SPTBN4: variants seen among roughly 807,000 people sequenced by gnomAD.
SPTBN4 encodes the protein spectrin beta chain, non-erythrocytic 4.
In SPTBN4, 96 loss-of-function variants were observed where a neutral mutation model predicts 277.8. The observed-to-expected ratio is 0.35, with a 90% CI of 0.29 to 0.41. The LOEUF is 0.41. Ranked by LOEUF, SPTBN4 falls within the 10% of genes least tolerant of loss-of-function variation. The probability of loss-of-function intolerance (pLI) is 1.00; values close to 1 mark genes in which losing one functional copy is unlikely to be tolerated. For synonymous variants in SPTBN4, 1,481 were observed against 1,580.3 expected, an observed-to-expected ratio of 0.94 and a Z score of 1.49; for missense variants, 3,006 against 3,595.7, an observed-to-expected ratio of 0.84 and a Z score of 4.19.
At position 40,560,671 on chromosome 19, in the gene SPTBN4, A is replaced by G. The variant is rs1599811958; in HGVS notation, c.5915+268A>G. ...TACCCTCTCCATGGGATGTCACAGC[A>G]TGAAACAGGCTAAAGACAGGATGGG... On this transcript the variant is annotated intron_variant, in intron 27 of 35. Transcript: ENST00000598249. This position sits in a 1 kb window ranked among gnomAD's most constrained non-coding sequence, Gnocchi z 5.2. 7.0e-7 allele frequency: 1 copy of G among 1,425,308 alleles called. No individual in the cohort carries two copies. The highest frequency in any genetic ancestry group is 9.1e-7 in the Non-Finnish European group (1 of 1,093,132). 88.3% of individuals were successfully genotyped at this position (1,425,308 alleles called of 1,614,324 possible).
At position 40,565,597 on chromosome 19, in the gene SPTBN4, G is replaced by T. The variant is rs367913402; in HGVS notation, c.6054+36G>T. Reference sequence around the variant, plus strand: ...GGGAGGGGGTCCCCCTCTGCCACCCGGGCACATTGGGGTGGAAGCCATTCC... The same window carrying T: ...GGGAGGGGGTCCCCCTCTGCCACCCTGGCACATTGGGGTGGAAGCCATTCC... On this transcript the variant is annotated intron_variant, in intron 28 of 35. Transcript: ENST00000598249. 777 of 1,594,174 alleles carry T rather than the reference G, an allele frequency of 4.9e-4. 1 individual carries two copies. Among genetic ancestry groups the T allele is most frequent in the Non-Finnish European group, 6.1e-4 (718 of 1,169,792 alleles).
Position 40,504,137 on chromosome 19 carries a change from C to CGGGGG in SPTBN4, c.1665+7_1665+8insGGGGG. 1.0e-5 allele frequency: 6 copies of CGGGGG among 585,360 alleles called. No individual in the cohort carries two copies. Among genetic ancestry groups the CGGGGG allele is most frequent in the Non-Finnish European group, 1.4e-5 (6 of 422,680 alleles). The allele number at this position is 585,360 out of a possible 1,614,324, so 36.3% of individuals were successfully genotyped here. On this transcript the variant is annotated splice_donor_region_variant and intron_variant, in intron 12 of 35. Coordinates refer to ENST00000598249, the MANE Select transcript of SPTBN4 (RefSeq NM_020971.3). ...GACTGGATGGAGGAGATGCAGGTGC[C>CGGGGG]GGCGGGGGGGCGGGGATGCGGGTGG...
At chr19:40,500,854 G>C (rs1400927308) in intron 7 of SPTBN4, among the ~76,000 whole-genome samples, 1 of 149,502 alleles carries the variant, frequency 6.7e-6, no homozygotes, top group East Asian at 2.0e-4. Context: ...CAAAAAAAAA[G>C]AAAGAAAAAG....
At chr19:40,498,849 G>C (rs1436159941) in intron 7 of SPTBN4, among the ~76,000 whole-genome samples, 1 of 151,128 alleles carries the variant, frequency 6.6e-6, no homozygotes, top group East Asian at 1.9e-4. Flanking sequence ...CTACAGGTGT[G>C]CACCATCACA....
chr19:40,478,367 G>A (rs1255012362), intron 2 of SPTBN4, among the ~76,000 whole-genome samples: 1 of 151,622 alleles, frequency 6.6e-6, no homozygotes, highest in Non-Finnish European at 1.5e-5. Context: ...GCAAGATCCT[G>A]TATGCACAAA....
intron 12 of SPTBN4, among the ~76,000 whole-genome samples, chr19:40,505,594 T>C (rs2080316885): frequency 1.3e-5 from 2 of 151,338 alleles, no homozygotes; most frequent in Admixed American, 6.6e-5. Flanking sequence ...CACTTGAACC[T>C]GGGAGGTGGA....
At position 40,502,217 on chromosome 19, in the gene SPTBN4, G is replaced by A; in HGVS notation, c.987G>A (p.Val329=). The change falls in exon 9 of 36, where the codon GTG becomes GTA. Residue 329 remains valine, a synonymous_variant. Transcript: ENST00000598249. This position sits in a 1 kb window ranked among gnomAD's most constrained non-coding sequence, Gnocchi z 4.9. The part of the protein sequence containing the change: ...AELLAWIHRT[V]GLISNQKFAN... Reference sequence around the variant, plus strand: ...TGCTGGCCTGGATCCACCGCACCGTGGGCCTCATCAGCAATCAGAAATTTG... The same window carrying A: ...TGCTGGCCTGGATCCACCGCACCGTAGGCCTCATCAGCAATCAGAAATTTG... 1.2e-6 allele frequency: 2 copies of A among 1,614,050 alleles called. No homozygotes were observed. The highest frequency in any genetic ancestry group is 1.7e-6 in the Non-Finnish European group (2 of 1,180,032).
chr19:40,565,276 GAA>G, intron 27 of SPTBN4, 145 bp from the exon 28 acceptor site: 1 of 707,980 alleles, frequency 1.4e-6, no homozygotes, highest in Non-Finnish European at 2.1e-6. Context: ...AAAAAAAAAA[GAA>G]AAGAAAAGAA....
At chr19:40,501,397 G>A (rs187776357) in intron 7 of SPTBN4, among the ~76,000 whole-genome samples, 69 of 152,266 alleles carry the variant, frequency 4.5e-4, no homozygotes, top group African/African-American at 1.1e-3. Flanking sequence ...GGCCAGGTGC[G>A]GTGGCTCACA....
chr19:40,474,987 G>A (rs139567282), intron 2 of SPTBN4, among the ~76,000 whole-genome samples: 4 of 152,016 alleles, frequency 2.6e-5, no homozygotes, highest in South Asian at 4.2e-4. Context: ...CTCCCACCTC[G>A]GCCTCCGAAA....
At chr19:40,521,078 C>A (rs1292677346) in intron 16 of SPTBN4, among the ~76,000 whole-genome samples, 1 of 152,152 alleles carries the variant, frequency 6.6e-6, no homozygotes, top group Admixed American at 6.5e-5. Flanking sequence ...GCGCGAGCCA[C>A]CATGACCAGC....
intron 27 of SPTBN4, among the ~76,000 whole-genome samples, chr19:40,561,979 A>T (rs1227895504): frequency 6.6e-6 from 1 of 152,144 alleles, no homozygotes; most frequent in Admixed American, 6.6e-5. Context: ...GTTTTGAGGG[A>T]AGAGTTTTCT....
rs758029975 is a variant in SPTBN4, at chr19:40,567,854, G to A, written c.6528G>A (p.Val2176=). 3.3e-6 allele frequency: 5 copies of A among 1,525,536 alleles called. No individual in the cohort carries two copies. The highest frequency in any genetic ancestry group is 4.1e-5 in the Admixed American group (2 of 48,314). 94.5% of individuals were successfully genotyped at this position (1,525,536 alleles called of 1,614,324 possible). ...DTLSAEVRTR[V]GYVRQELKPE... ...TCTCGGCCGAGGTGCGGACTCGGGTGGGGTATGTGCGCCAGGAGCTCAAGC... is the reference window on the plus strand; with the variant it reads ...TCTCGGCCGAGGTGCGGACTCGGGTAGGGTATGTGCGCCAGGAGCTCAAGC... Residue 2176 remains valine, a synonymous_variant, in exon 31 of 36, where the codon GTG becomes GTA. Transcript: ENST00000598249.
At chr19:40,480,899 C>T (rs1383296975) in intron 2 of SPTBN4, among the ~76,000 whole-genome samples, 6 of 151,942 alleles carry the variant, frequency 3.9e-5, no homozygotes, top group Admixed American at 3.3e-4. Flanking sequence ...CCCATTTCTA[C>T]TAAAAATACA....
At chr19:40,530,426 G>A (rs2080651481) in intron 18 of SPTBN4, 2 of 866,526 alleles carry the variant, frequency 2.3e-6, no homozygotes, top group African/African-American at 3.7e-5. Flanking sequence ...GGCAGGCAGG[G>A]GGCGCACGCG....
At position 40,502,891 on chromosome 19, in the gene SPTBN4, G is replaced by A. The variant is rs985871222; in HGVS notation, c.1320G>A (p.Met440Ile). Residue 440 changes from methionine to isoleucine, a missense_variant, in exon 11 of 36, where the codon ATG becomes ATA. Physicochemically the swap from Met to Ile is conservative, Grantham distance 10. Coordinates refer to ENST00000598249, the MANE Select transcript of SPTBN4 (RefSeq NM_020971.3). This position sits in a 1 kb window ranked among gnomAD's most constrained non-coding sequence, Gnocchi z 4.9. ...AGAGGTTTGACCACAAGGTGGCTAT[G>A]AGGGAGAGCTGGCTGAATGAGAACC... ...LAQRFDHKVA[M>I]RESWLNENQR... is the part of the protein sequence containing the mutation. 2 of 1,613,806 alleles carry A rather than the reference G, an allele frequency of 1.2e-6. No homozygotes were observed. Among genetic ancestry groups the A allele is most frequent in the East Asian group, 2.2e-5 (1 of 44,902 alleles).
Position 40,472,649 on chromosome 19 carries a change from A to G in SPTBN4, c.28A>G (p.Asn10Asp), listed in dbSNP as rs1347390202. The G allele has an allele frequency of 5.6e-6, 9 of 1,613,648 alleles. No homozygotes were observed. In the Admixed American group the frequency reaches 1.5e-4, roughly 27 times the overall value. The change falls in exon 2 of 36, where the codon AAC becomes GAC. Residue 10 changes from asparagine (N) to aspartate (D), a missense_variant. Coordinates refer to ENST00000598249, the MANE Select transcript of SPTBN4 (RefSeq NM_020971.3). ...GGCGCAGGTACCAGGGGAAGTGGAC[A>G]ACATGGAGGGCCTGCCTGCTCCTAA... MAQVPGEVD[N>D]MEGLPAPNNN...
chr19:40,572,632 G>A (rs2081165642), intron 35 of SPTBN4: 1 of 540,472 alleles, frequency 1.9e-6, no homozygotes, highest in East Asian at 3.0e-5. Flanking sequence ...TGGTCACTCA[G>A]GTGAGACTGG....
intron 6 of SPTBN4, among the ~76,000 whole-genome samples, chr19:40,496,111 T>C (rs1476637745): frequency 6.6e-6 from 1 of 152,158 alleles, no homozygotes; most frequent in Non-Finnish European, 1.5e-5. Flanking sequence ...AATGTATCCA[T>C]TCAGTGTGTC....
Sources: gnomAD v4.1 joint callset for allele counts (sites outside exome capture counted in the v4.1 genomes callset) on GRCh38, gnomAD v4.1.1 for gene constraint, Gnocchi (gnomAD v3.1) non-coding constraint, MANE v1.5 for transcripts, NCBI Gene and HGNC (gene_info 2026-07-23, HGNC 2026-07-21) for gene names.